Variants in RDX observed in about 807,000 individuals in gnomAD.
RDX encodes deafness, autosomal recessive 24.
A neutral mutation model predicts 83.7 loss-of-function variants in RDX; 32 were observed. The observed-to-expected ratio is 0.38, with a 90% CI of 0.29 to 0.51. The LOEUF is 0.51. RDX is among the 20% of genes least tolerant of loss of function. The probability of loss-of-function intolerance (pLI) is 0.87; values close to 1 mark genes in which losing one functional copy is unlikely to be tolerated. For synonymous variants in RDX, 229 were observed against 222.7 expected (o/e 1.03, Z -0.25); for missense variants, 600 against 689.9 (o/e 0.87, Z 1.46).
chr11:110,201,515 C>G (rs1863400869), intron 14 of RDX, among the ~76,000 whole-genome samples: 1 of 146,390 alleles, frequency 6.8e-6, no homozygotes, highest in Non-Finnish European at 1.5e-5. Flanking sequence ...GCTTTGCCAC[C>G]AGGTGGCGGC....
chr11:110,185,891 A>G (rs948978872), intron 15 of RDX, among the ~76,000 whole-genome samples: 5 of 152,270 alleles, frequency 3.3e-5, no homozygotes, highest in African/African-American at 1.2e-4. Context: ...TGGGCTACAA[A>G]CCTACCAGTC....
At chr11:110,175,227 T>C (rs1215481581) in exon 16 of RDX, 1 of 152,258 alleles carries the variant, frequency 6.6e-6, no homozygotes, top group African/African-American at 2.4e-5. Context: ...CTAGCATTCT[T>C]TGTAGCCCTG....
chr11:110,255,771 C>T (rs1376013592), intron 7 of RDX, among the ~76,000 whole-genome samples: 1 of 151,902 alleles, frequency 6.6e-6, no homozygotes, highest in East Asian at 1.9e-4. Context: ...AAAAAAAAGG[C>T]CTTTATAACT....
chr11:110,251,232 A>G (rs1453990276), intron 9 of RDX, among the ~76,000 whole-genome samples: 1 of 152,220 alleles, frequency 6.6e-6, no homozygotes, highest in East Asian at 1.9e-4. Flanking sequence ...TTAATAAACT[A>G]TTATTCCTTG....
At chr11:110,179,863 G>A in intron 15 of RDX, 1 of 431,992 alleles carries the variant, frequency 2.3e-6, no homozygotes, top group Non-Finnish European at 4.5e-6. Flanking sequence ...TCCCTGCAGT[G>A]CTCTGGACTT....
At chr11:110,225,835 T>G (rs559632810), downstream of RDX, among the ~76,000 whole-genome samples, 7 of 151,394 alleles carry the variant, frequency 4.6e-5, no homozygotes, top group East Asian at 1.4e-3. Context: ...TCACCTGAGG[T>G]TAGGAGTTCA....
At chr11:110,189,243 T>TTAAAAAAAAAAAAAAAAA (rs1491576666) in intron 15 of RDX, among the ~76,000 whole-genome samples, 26 of 35,594 alleles carry the variant, frequency 7.3e-4, no homozygotes, top group South Asian at 1.2e-3. Context: ...GAACAACAGG[T>TTAAAAAAAAAAAAAAAAA]AAAAAAAAAA....
chr11:110,240,758 A>G (rs577070287), intron 10 of RDX, among the ~76,000 whole-genome samples: 5 of 148,950 alleles, frequency 3.4e-5, no homozygotes, highest in African/African-American at 1.2e-4. Flanking sequence ...AAAAAAAAAA[A>G]AAACGGTAAA....
chr11:110,272,397 T>G (rs1045540770), intron 3 of RDX, 139 bp downstream of exon 3: 1 of 695,326 alleles, frequency 1.4e-6, no homozygotes, highest in African/African-American at 1.8e-5. Flanking sequence ...GTAGTAGGGA[T>G]ATCTGAATAG....
At position 110,237,661 on chromosome 11, in the gene RDX, T is replaced by C. The variant is rs369692610; in HGVS notation, c.1091-9A>G. On this transcript the variant is annotated splice_polypyrimidine_tract_variant and intron_variant, in intron 10 of 13. Transcript: ENST00000645495. The stretch of plus-strand genomic sequence containing the variant: ...AGTCTGTTCTTCTAGTTCTATGAAA[T>C]ATGTGTATTCCCCCCAACAGTGATT... The C allele has an allele frequency of 1.6e-5, 26 of 1,613,644 alleles. No homozygotes were observed. Among genetic ancestry groups the C allele is most frequent in the Admixed American group, 3.3e-5 (2 of 60,012 alleles).
chr11:110,236,171 G>A lies in RDX; in HGVS notation c.1272C>T (p.Phe424=), dbSNP rs778374468. The part of the protein sequence containing the change: ...QEQLAAELAE[F]TAKIALLEEA... ...CCTCTAGAAGTGCAATCTTGGCAGT[G>A]AATTCAGCAAGTTCTGCTGCCTAAA... Residue 424 remains phenylalanine (F), a synonymous_variant, in exon 12 of 14, where the codon TTC becomes TTT. Transcript: ENST00000645495. The A allele has an allele frequency of 2.6e-5, 42 of 1,612,574 alleles. No homozygotes were observed. The Admixed American group carries it at 6.3e-4, about 24-fold the overall frequency.
At chr11:110,203,098 GGAAGC>G (rs1863473835) in intron 14 of RDX, among the ~76,000 whole-genome samples, 1 of 152,056 alleles carries the variant, frequency 6.6e-6, no homozygotes, top group African/African-American at 2.4e-5. Flanking sequence ...GCCAAGATTT[GGAAGC>G]AACCTAAGTG....
At chr11:110,220,523 T>C (rs1461169770) in intron 14 of RDX, among the ~76,000 whole-genome samples, 1 of 151,864 alleles carries the variant, frequency 6.6e-6, no homozygotes, top group Non-Finnish European at 1.5e-5. Flanking sequence ...ATTTCTCTTA[T>C]TTTTTTTGAG....
intron 14 of RDX, among the ~76,000 whole-genome samples, chr11:110,206,713 G>A (rs1388469453): frequency 6.6e-6 from 1 of 152,144 alleles, no homozygotes; most frequent in Non-Finnish European, 1.5e-5. Flanking sequence ...AAAACAGAAA[G>A]TAATGAAGGA....
At chr11:110,175,992 G>A (rs953128079) in intron 15 of RDX, among the ~76,000 whole-genome samples, 2 of 152,188 alleles carry the variant, frequency 1.3e-5, no homozygotes, top group Admixed American at 6.5e-5. Context: ...GGAAGCAGTG[G>A]GAGAGGCGGG....
At chr11:110,175,970 T>C (rs529103777) in intron 15 of RDX, among the ~76,000 whole-genome samples, 33 of 152,208 alleles carry the variant, frequency 2.2e-4, no homozygotes, top group Middle Eastern at 6.8e-3. Context: ...TTGCCTACAT[T>C]GAAGGGAGGT....
chr11:110,176,080 CTTTTTT>C (rs367710666), intron 15 of RDX, among the ~76,000 whole-genome samples: 1 of 138,486 alleles, frequency 7.2e-6, no homozygotes, highest in Admixed American at 7.5e-5. Context: ...TTTTCTTTTT[CTTTTTT>C]TCTTTTTTTT....
chr11:110,254,787 A>T (rs1859478080), intron 8 of RDX, among the ~76,000 whole-genome samples: 2 of 152,060 alleles, frequency 1.3e-5, no homozygotes, highest in South Asian at 4.2e-4. Flanking sequence ...TGTTCTTCTT[A>T]CTTTTACCTT....
chr11:110,264,516 C>G (rs915935150), intron 4 of RDX, among the ~76,000 whole-genome samples: 4 of 151,508 alleles, frequency 2.6e-5, no homozygotes, highest in African/African-American at 7.3e-5. Context: ...AATTGAAGTA[C>G]TTAGTATGCC....
Sources: allele counts gnomAD v4.1 joint callset (sites outside exome capture counted in the v4.1 genomes callset), GRCh38; gene constraint gnomAD v4.1.1; transcripts MANE v1.5; gene names NCBI Gene and HGNC (gene_info 2026-07-23, HGNC 2026-07-21).